RBM19: variants seen among roughly 807,000 people sequenced by gnomAD.
The protein encoded by RBM19 is RNA binding motif protein 19, also known as probable RNA-binding protein 19.
Under a neutral mutation model 116.8 loss-of-function variants are expected in RBM19, and 94 were observed. That is an observed-to-expected ratio of 0.80 (90% CI 0.68 to 0.95). RBM19 has a LOEUF of 0.95. Ranked by LOEUF, RBM19 falls within the 40% of genes least tolerant of loss-of-function variation. RBM19 has a pLI of 0.00. For synonymous variants in RBM19, 475 were observed against 494.1 expected, an observed-to-expected ratio of 0.96 and a Z score of 0.51; for missense variants, 1,161 against 1,220.7, an observed-to-expected ratio of 0.95 and a Z score of 0.73.
At chr12:113,849,525 C>G (rs1474225362) in intron 22 of RBM19, among the ~76,000 whole-genome samples, 4 of 152,224 alleles carry the variant, frequency 2.6e-5, no homozygotes, top group Admixed American at 6.5e-5. Flanking sequence ...GCCTGACCAT[C>G]CAGACGAGTG....
At chr12:113,910,335 G>A (rs961653338) in intron 21 of RBM19, among the ~76,000 whole-genome samples, 21 of 152,210 alleles carry the variant, frequency 1.4e-4, no homozygotes, top group Non-Finnish European at 1.5e-5. Flanking sequence ...ACTACACCCA[G>A]GCTCCAAACT....
At chr12:113,886,377 C>A (rs926694141) in intron 21 of RBM19, among the ~76,000 whole-genome samples, 2 of 152,142 alleles carry the variant, frequency 1.3e-5, no homozygotes, top group Non-Finnish European at 2.9e-5. Flanking sequence ...AAGTGATGCA[C>A]CCGCCTCTGC....
intron 21 of RBM19, among the ~76,000 whole-genome samples, chr12:113,910,517 G>A (rs554691646): frequency 1.4e-4 from 21 of 152,314 alleles, no homozygotes; most frequent in African/African-American, 4.8e-4. Context: ...CCTCCTTCCT[G>A]GAAGATGGGG....
intron 21 of RBM19, among the ~76,000 whole-genome samples, chr12:113,874,373 G>A (rs541614833): frequency 6.6e-6 from 1 of 152,234 alleles, no homozygotes; most frequent in Admixed American, 6.5e-5. Context: ...AAGAAACGGG[G>A]AGTGGGAGGA....
At chr12:113,939,525 G>A (rs906363182) in intron 15 of RBM19, among the ~76,000 whole-genome samples, 38 of 151,834 alleles carry the variant, frequency 2.5e-4, no homozygotes, top group Non-Finnish European at 5.3e-4. Flanking sequence ...TGAGGCGGGC[G>A]GATCACGAGG....
At chr12:113,955,404 A>C (rs1264918014) in intron 6 of RBM19, among the ~76,000 whole-genome samples, 193 bp from the exon 7 acceptor site, 1 of 151,080 alleles carries the variant, frequency 6.6e-6, no homozygotes, top group Non-Finnish European at 1.5e-5. Flanking sequence ...CCAAGTCTCC[A>C]TGTGCCCCTG....
rs762104647 is a variant in RBM19, at chr12:113,940,110, T to C, written c.1788A>G (p.Ala596=). ...CCTGCAGCTGGGCCGCCAGGGTGCC[T>C]GCCGGGAGGTTCTTGACCAGAATCA... The part of the protein sequence containing the change: ...KTVILVKNLP[A]GTLAAQLQET... The change falls in exon 15 of 24, where the codon GCA becomes GCG. Residue 596 remains alanine, a synonymous_variant. Transcript: ENST00000261741. 2.1e-5 allele frequency: 34 copies of C among 1,614,028 alleles called. 1 individual carries two copies. The Middle Eastern group carries it at 4.9e-4, about 23-fold the overall frequency.
chr12:113,863,236 T>TGTGA (rs1555232815), intron 21 of RBM19, among the ~76,000 whole-genome samples: 71 of 142,186 alleles, frequency 5.0e-4, no homozygotes, highest in South Asian at 1.1e-3. Flanking sequence ...TGTGTGTGTG[T>TGTGA]GGGGCCAGCG....
In RBM19 at chr12:113,898,336, T is replaced by A. The variant is rs1441130169; in HGVS notation, c.2558+16633A>T. ...AGAACCGTGAAGAGATTTCAGTGCC[T>A]GTACTGGACTTCAGGGACAGGCAAG... On this transcript the variant is annotated intron_variant, in intron 21 of 23. Coordinates refer to ENST00000261741, the MANE Select transcript of RBM19 (RefSeq NM_016196.4). This position sits in a 1 kb window ranked among gnomAD's most constrained non-coding sequence, Gnocchi z 4.3. 1.3e-5 allele frequency among the ~76,000 whole-genome samples: 2 copies of A among 152,196 alleles called. No homozygotes were observed. The highest frequency in any genetic ancestry group is 2.9e-5 in the Non-Finnish European group (2 of 68,026).
intron 21 of RBM19, among the ~76,000 whole-genome samples, chr12:113,874,210 C>T (rs1333285806): frequency 2.0e-5 from 3 of 152,214 alleles, no homozygotes; most frequent in African/African-American, 7.2e-5. Context: ...GGCCGGCACC[C>T]AGAACAGTTC....
At chr12:113,843,860 C>T (rs1207780048) in intron 23 of RBM19, among the ~76,000 whole-genome samples, 2 of 152,236 alleles carry the variant, frequency 1.3e-5, no homozygotes, top group East Asian at 3.9e-4. Flanking sequence ...CTCCCCTCAC[C>T]TCCAGCCATG....
At chr12:113,834,095 T>G (rs1380859383) in intron 23 of RBM19, among the ~76,000 whole-genome samples, 1 of 152,138 alleles carries the variant, frequency 6.6e-6, no homozygotes, top group Non-Finnish European at 1.5e-5. Flanking sequence ...CATTAGAACT[T>G]TGTTGCTATT....
intron 23 of RBM19, among the ~76,000 whole-genome samples, chr12:113,824,601 G>T (rs3782423): frequency 6.6e-6 from 1 of 151,566 alleles, no homozygotes; most frequent in South Asian, 2.1e-4. Context: ...CCATTTATCC[G>T]CAGGCTGTGA....
At chr12:113,899,794 G>GGATTTCAC (rs201907616) in intron 21 of RBM19, among the ~76,000 whole-genome samples, 1,803 of 152,280 alleles carry the variant, frequency 0.012, 13 homozygotes, top group Non-Finnish European at 0.018. Flanking sequence ...GCTGTCTGGG[G>GGATTTCAC]CTCCCTGCTG....
chr12:113,944,093 G>GT (rs71433305), intron 13 of RBM19, among the ~76,000 whole-genome samples: 10,856 of 67,628 alleles, frequency 0.16, 913 homozygotes, highest in Non-Finnish European at 0.2. Context: ...CCAGATGCAT[G>GT]TTTTTTTTTT....
At chr12:113,907,834 T>C (rs1882169805) in intron 21 of RBM19, among the ~76,000 whole-genome samples, 1 of 152,122 alleles carries the variant, frequency 6.6e-6, no homozygotes, top group Non-Finnish European at 1.5e-5. Flanking sequence ...AAATACCTCA[T>C]CAAGGTAGGA....
At chr12:113,963,891 T>C (rs16943519) in intron 1 of RBM19, among the ~76,000 whole-genome samples, 20,117 of 152,230 alleles carry the variant, frequency 0.13, 2,102 homozygotes, top group East Asian at 0.54. Flanking sequence ...CTCTGGGTGA[T>C]ATTTCCCAAG....
chr12:113,839,105 C>T (rs113196167), intron 23 of RBM19, among the ~76,000 whole-genome samples: 1 of 152,220 alleles, frequency 6.6e-6, no homozygotes, highest in African/African-American at 2.4e-5. Context: ...GCCTTCCTGG[C>T]AGAGTTCAGG....
At chr12:113,921,020 C>A (rs1362420088) in intron 18 of RBM19, among the ~76,000 whole-genome samples, 1 of 152,164 alleles carries the variant, frequency 6.6e-6, no homozygotes, top group Non-Finnish European at 1.5e-5. Context: ...AGTGGCAAAA[C>A]CTCTACCTGG....
Sources: allele counts gnomAD v4.1 joint callset (sites outside exome capture counted in the v4.1 genomes callset), GRCh38; gene constraint gnomAD v4.1.1; non-coding constraint Gnocchi (gnomAD v3.1); transcripts MANE v1.5; gene names NCBI Gene and HGNC (gene_info 2026-07-23, HGNC 2026-07-21).